DLG2: variants seen among roughly 807,000 people sequenced by gnomAD.
DLG2 encodes discs large MAGUK scaffold protein 2.
Under a neutral mutation model 132.5 loss-of-function variants are expected in DLG2, and 45 were observed. The observed-to-expected ratio is 0.34, with a 90% CI of 0.27 to 0.44. The LOEUF is 0.44. Ranked by LOEUF, DLG2 falls within the 20% of genes least tolerant of loss-of-function variation. The probability of loss-of-function intolerance (pLI) is 1.00; values close to 1 mark genes in which losing one functional copy is unlikely to be tolerated. For missense variants in DLG2, 1,045 were observed against 1,196.9 expected (o/e 0.87, Z 1.87); for synonymous variants, 424 against 419.6 (o/e 1.01, Z -0.13).
chr11:85,552,584 A>G (rs922081105), intron 3 of DLG2, among the ~76,000 whole-genome samples: 2 of 151,558 alleles, frequency 1.3e-5, no homozygotes, highest in African/African-American at 4.8e-5. Flanking sequence ...AGACCTTCCA[A>G]TGAAAAATAG....
intron 7 of DLG2, among the ~76,000 whole-genome samples, chr11:84,512,045 G>C (rs1403722603): frequency 6.6e-6 from 1 of 152,152 alleles, no homozygotes; most frequent in East Asian, 1.9e-4. Flanking sequence ...ATTCCTCAAA[G>C]GCTACAAGTC....
intron 4 of DLG2, among the ~76,000 whole-genome samples, chr11:85,207,023 T>C (rs1178172105): frequency 6.6e-6 from 1 of 152,176 alleles, no homozygotes; most frequent in Non-Finnish European, 1.5e-5. Flanking sequence ...CGACTGGACA[T>C]TTCATCAAAC....
chr11:84,291,294 T>C (rs2097992154), intron 7 of DLG2, among the ~76,000 whole-genome samples: 1 of 152,056 alleles, frequency 6.6e-6, no homozygotes, highest in Non-Finnish European at 1.5e-5. Flanking sequence ...AAAACAGAAT[T>C]AATAAGGTTA....
chr11:83,769,560 CTTT>C (rs143446772), intron 18 of DLG2, among the ~76,000 whole-genome samples: 2 of 124,024 alleles, frequency 1.6e-5, no homozygotes, highest in Middle Eastern at 4.1e-3. Flanking sequence ...ACTCTAGCTT[CTTT>C]TTTTTTTTTT....
At chr11:85,022,558 A>G (rs1465783273) in intron 6 of DLG2, among the ~76,000 whole-genome samples, 2 of 152,118 alleles carry the variant, frequency 1.3e-5, no homozygotes, top group Admixed American at 6.6e-5. Flanking sequence ...GATGCAAGCT[A>G]TACTGTGTAC....
intron 11 of DLG2, among the ~76,000 whole-genome samples, chr11:84,037,674 A>G (rs1442844636): frequency 6.6e-6 from 1 of 152,090 alleles, no homozygotes; most frequent in Non-Finnish European, 1.5e-5. Flanking sequence ...GGTAGATACT[A>G]AATTAAATGT....
chr11:84,275,162 A>T (rs532875043), intron 7 of DLG2, among the ~76,000 whole-genome samples: 2 of 152,298 alleles, frequency 1.3e-5, no homozygotes, highest in East Asian at 3.9e-4. Context: ...CCTCCTGTTT[A>T]TCAGGTTCCT....
chr11:84,748,557 T>C (rs1482622984), intron 6 of DLG2, among the ~76,000 whole-genome samples: 1 of 152,188 alleles, frequency 6.6e-6, no homozygotes, highest in Non-Finnish European at 1.5e-5. Context: ...AATATAAAAA[T>C]AAATACGCTA....
chr11:83,820,165 A>G (rs974239298), intron 17 of DLG2, among the ~76,000 whole-genome samples: 2 of 152,196 alleles, frequency 1.3e-5, no homozygotes, highest in African/African-American at 4.8e-5. Flanking sequence ...TTTTTAGGAA[A>G]TAATCCCAGT....
At chr11:83,817,823 C>T (rs1017406351) in intron 17 of DLG2, among the ~76,000 whole-genome samples, 1 of 152,138 alleles carries the variant, frequency 6.6e-6, no homozygotes, top group Non-Finnish European at 1.5e-5. Context: ...GTTTAGTGAG[C>T]TATGATTGTG....
chr11:84,028,244 TAG>T (rs2095595704), intron 11 of DLG2, among the ~76,000 whole-genome samples: 1 of 152,040 alleles, frequency 6.6e-6, no homozygotes, highest in African/African-American at 2.4e-5. Flanking sequence ...CGAACAAATA[TAG>T]AGTCATGATT....
intron 18 of DLG2, among the ~76,000 whole-genome samples, chr11:83,699,708 T>TA (rs34411036): frequency 5.5e-5 from 8 of 145,346 alleles, no homozygotes; most frequent in South Asian, 2.2e-4. Flanking sequence ...AGACTCCGTC[T>TA]AAAAAAAAAC....
chr11:83,969,100 T>C (rs951934220), intron 12 of DLG2, among the ~76,000 whole-genome samples: 1 of 152,206 alleles, frequency 6.6e-6, no homozygotes, highest in African/African-American at 2.4e-5. Context: ...GTAGATACTA[T>C]TAATCAGGCA....
intron 6 of DLG2, among the ~76,000 whole-genome samples, chr11:84,673,453 A>ATT (rs2099708078): frequency 1.3e-5 from 2 of 152,088 alleles, no homozygotes; most frequent in South Asian, 4.2e-4. Context: ...AATGAGACTG[A>ATT]TATACAGAGG....
At chr11:83,776,923 C>T (rs12283952) in intron 18 of DLG2, among the ~76,000 whole-genome samples, 34,099 of 152,008 alleles carry the variant, frequency 0.22, 4,152 homozygotes, top group African/African-American at 0.31. Context: ...CATTTGAGTA[C>T]CTAGACTTTA....
chr11:85,549,892 A>C (rs2076566972), intron 3 of DLG2, among the ~76,000 whole-genome samples: 3 of 152,198 alleles, frequency 2.0e-5, no homozygotes, highest in Admixed American at 6.5e-5. Context: ...CAGTCTAAAA[A>C]AGGGAGGAAC....
At chr11:85,468,314 A>G (rs1033384021) in intron 3 of DLG2, among the ~76,000 whole-genome samples, 31 of 152,012 alleles carry the variant, frequency 2.0e-4, no homozygotes, top group Non-Finnish European at 4.1e-4. Flanking sequence ...TATCTCCTTC[A>G]GTTCTGCTCT....
At chr11:85,593,981 C>T (rs2079552563) in intron 3 of DLG2, among the ~76,000 whole-genome samples, 1 of 151,956 alleles carries the variant, frequency 6.6e-6, no homozygotes, top group Non-Finnish European at 1.5e-5. Flanking sequence ...ATGTCCAACA[C>T]ATAACTGGTA....
chr11:84,648,560 G>A (rs1451591355), intron 6 of DLG2, among the ~76,000 whole-genome samples: 1 of 152,124 alleles, frequency 6.6e-6, no homozygotes, highest in African/African-American at 2.4e-5. Context: ...CAATGTTGGA[G>A]GTGGGGGCTG....
Sources: gnomAD v4.1 joint callset for allele counts (sites outside exome capture counted in the v4.1 genomes callset) on GRCh38, gnomAD v4.1.1 for gene constraint, MANE v1.5 for transcripts, NCBI Gene and HGNC (gene_info 2026-07-23, HGNC 2026-07-21) for gene names.